POTEF: variants seen among roughly 807,000 people sequenced by gnomAD.
The protein encoded by POTEF is POTE ankyrin domain family member F, also known as ANKRD26-like family C member 1B.
POTEF carries 20 observed loss-of-function variants against 83.2 expected under a neutral mutation model. That is an observed-to-expected ratio of 0.24 (90% CI 0.17 to 0.35). The LOEUF is 0.35. Ranked by LOEUF, POTEF falls within the 10% of genes least tolerant of loss-of-function variation. POTEF has a pLI of 1.00. For synonymous variants in POTEF, 196 were observed against 446.4 expected (o/e 0.44, Z 7.07); for missense variants, 550 against 1,203.2 (o/e 0.46, Z 8.03).
chr2:130,114,660 A>C (rs1333052022), intron 5 of POTEF, among the ~76,000 whole-genome samples: 1 of 151,430 alleles, frequency 6.6e-6, no homozygotes, highest in Non-Finnish European at 1.5e-5. Context: ...TTTTCAAAAA[A>C]AGTATTTACC....
rs200591118 is a variant in POTEF, at chr2:130,105,273, CA to C, written c.1126+2735del. On this transcript the variant is annotated intron_variant, in intron 8 of 16. Transcript: ENST00000409914. The stretch of plus-strand genomic sequence containing the variant: ...TATTTCTTACATAAAAAAAATTAAG[CA>C]AAACAAATGAAAAAAGCATAACACC... 4.6e-5 allele frequency among the ~76,000 whole-genome samples: 7 copies of C among 151,090 alleles called. No homozygotes were observed. In the East Asian group the frequency reaches 1.4e-3, roughly 29 times the overall value.
intron 1 of POTEF, among the ~76,000 whole-genome samples, chr2:130,128,813 T>C (rs59844074): frequency 0.44 from 40,456 of 90,962 alleles, 5,336 homozygotes; most frequent in Admixed American, 0.5. Context: ...CAGAAAATAG[T>C]GCCCCTAACC....
At chr2:130,097,197 AT>A (rs1684262808) in intron 11 of POTEF, among the ~76,000 whole-genome samples, 1 of 104,968 alleles carries the variant, frequency 9.5e-6, no homozygotes, top group Non-Finnish European at 1.8e-5. Flanking sequence ...AAAATGCATA[AT>A]TTACAGAAAA....
chr2:130,120,262 T>C lies in POTEF; in HGVS notation c.254A>G (p.Asp85Gly). 6.3e-7 allele frequency: 1 copy of C among 1,593,760 alleles called. No homozygotes were observed. Among genetic ancestry groups the C allele is most frequent in the Non-Finnish European group, 8.5e-7 (1 of 1,174,462 alleles). ...TGTCTTCATAGCAGAGTCGTCGTGG[T>C]CTCCAGAAGCGCCCACGTTGCTCTT... The part of the protein sequence containing the change: ...SGKSNVGASG[D>G]HDDSAMKTLR... Residue 85 changes from aspartate to glycine, a missense_variant, in exon 3 of 17, where the codon GAC becomes GGC. Coordinates refer to ENST00000409914, the MANE Select transcript of POTEF (RefSeq NM_001099771.2).
rs1683751471 is a variant in POTEF at position 130,075,151 on chromosome 2, C to T, written c.2321G>A (p.Gly774Asp). The T allele has an allele frequency of 8.1e-6, 13 of 1,613,330 alleles. No homozygotes were observed. The highest frequency in any genetic ancestry group is 1.3e-5 in the African/African-American group (1 of 74,658). Residue 774 changes from glycine (G) to aspartate (D), a missense_variant, in exon 17 of 17, where the codon GGC becomes GAC. Physicochemically the swap from Gly to Asp is moderately conservative, Grantham distance 94. Transcript: ENST00000409914. ...CATGTCATCCCAGTTGGTGATGATG[C>T]CGTGTTCCATGGGGTACTTCAGGGT... ...ILTLKYPMEH[G>D]IITNWDDMEK...
Position 130,105,437 on chromosome 2 carries a change from T to C in POTEF, c.1126+2572A>G, listed in dbSNP as rs535746564. On this transcript the variant is annotated intron_variant, in intron 8 of 16. Coordinates refer to ENST00000409914, the MANE Select transcript of POTEF (RefSeq NM_001099771.2). ...TGACAAGGAAACTATAGCTGACTAC[T>C]GCGAAAACTTCCTTTGTCTCCTGGT... 2.6e-5 allele frequency among the ~76,000 whole-genome samples: 4 copies of C among 151,844 alleles called. No homozygotes were observed. In the South Asian group the frequency reaches 8.3e-4, roughly 32 times the overall value.
chr2:130,119,658 A>T (rs2104827146), intron 3 of POTEF, among the ~76,000 whole-genome samples: 1 of 151,862 alleles, frequency 6.6e-6, no homozygotes, highest in Admixed American at 6.6e-5. Flanking sequence ...CTTAGTTCTC[A>T]ATATACACTT....
intron 5 of POTEF, among the ~76,000 whole-genome samples, chr2:130,113,838 C>T (rs1380335995): frequency 4.0e-5 from 6 of 151,486 alleles, no homozygotes; most frequent in African/African-American, 1.2e-4. Flanking sequence ...TTCTCACCCA[C>T]ATGACCAATT....
rs1355799112 is a variant in POTEF at position 130,121,229 on chromosome 2, A to C, written c.-93-621T>G. Among the ~76,000 whole-genome samples the C allele has an allele frequency of 2.0e-5, 3 of 148,514 alleles. No individual in the cohort carries two copies. In the South Asian group the frequency reaches 6.4e-4, roughly 32 times the overall value. On this transcript the variant is annotated intron_variant, in intron 2 of 16. Transcript: ENST00000409914. The stretch of plus-strand genomic sequence containing the variant: ...GCCTGCTTAAGTCTTGGCGCCACGA[A>C]TGTCACTGACAGCCTTGAGTTCCGG...
Position 130,120,611 on chromosome 2 carries a change from G to A in POTEF, c.-93-3C>T. The A allele has an allele frequency of 6.3e-7, 1 of 1,588,812 alleles. No individual in the cohort carries two copies. The highest frequency in any genetic ancestry group is 8.6e-7 in the Non-Finnish European group (1 of 1,167,664). ...GCAGGTAACTCCGGGTTTCCAATCT[G>A]TTTGAAGAGAAAAGTCAATCCCAGC... On this transcript the variant is annotated splice_region_variant and splice_polypyrimidine_tract_variant and intron_variant, in intron 2 of 16. Transcript: ENST00000409914.
intron 7 of POTEF, among the ~76,000 whole-genome samples, chr2:130,108,781 T>A (rs1195334938): frequency 2.0e-5 from 3 of 148,914 alleles, no homozygotes; most frequent in Non-Finnish European, 4.4e-5. Context: ...TGTCCACTAT[T>A]ACGGAGTTGA....
chr2:130,076,230 G>C (rs1683800407), intron 16 of POTEF, among the ~76,000 whole-genome samples: 1 of 128,440 alleles, frequency 7.8e-6, no homozygotes, highest in Non-Finnish European at 1.6e-5. Flanking sequence ...ACTCATTTAA[G>C]ATCGCGATTC....
Position 130,120,337 on chromosome 2 carries a change from T to C in POTEF, c.179A>G (p.Lys60Arg), listed in dbSNP as rs533695625. 1 of 1,608,488 alleles carries C rather than the reference T, an allele frequency of 6.2e-7. No individual in the cohort carries two copies. The highest frequency in any genetic ancestry group is 1.7e-5 in the Admixed American group (1 of 59,616). ...DDSAMKTLRS[K>R]MGKWCRHCFP... ...GCAGTGGCGGCACCACTTGCCCATC[T>C]TGCTCCTGAGTGTCTTCATAGCAGA... Residue 60 changes from lysine (K) to arginine (R), a missense_variant, in exon 3 of 17, where the codon AAG becomes AGG. Lys to Arg is a conservative substitution (Grantham distance 26, BLOSUM62 2). Coordinates refer to ENST00000409914, the MANE Select transcript of POTEF (RefSeq NM_001099771.2).
chr2:130,116,214 C>T (rs1210339149), intron 3 of POTEF, among the ~76,000 whole-genome samples: 2 of 151,438 alleles, frequency 1.3e-5, no homozygotes, highest in South Asian at 4.1e-4. Context: ...ATAGCATGGG[C>T]TCATTTTTGT....
intron 7 of POTEF, among the ~76,000 whole-genome samples, chr2:130,110,096 A>G (rs1684668196): frequency 6.6e-6 from 1 of 151,472 alleles, no homozygotes; most frequent in Non-Finnish European, 1.5e-5. Flanking sequence ...GACTTGATAA[A>G]AGGGACTGTC....
intron 5 of POTEF, among the ~76,000 whole-genome samples, chr2:130,113,216 C>A (rs2104818678): frequency 1.0e-5 from 1 of 95,462 alleles, no homozygotes; most frequent in East Asian, 3.4e-4. Context: ...AACCTCATCT[C>A]TACTGAAAAA....
chr2:130,122,665 G>C (rs1685023795), intron 2 of POTEF, among the ~76,000 whole-genome samples: 1 of 150,864 alleles, frequency 6.6e-6, no homozygotes, highest in Non-Finnish European at 1.5e-5. Flanking sequence ...TTTTTCAATT[G>C]ATATAGGACT....
intron 8 of POTEF, among the ~76,000 whole-genome samples, chr2:130,104,732 T>C (rs1684469254): frequency 1.3e-5 from 2 of 151,420 alleles, no homozygotes; most frequent in South Asian, 4.2e-4. Context: ...ACAACTCCGA[T>C]ATTCATCTTT....
In POTEF at chr2:130,120,137, C is replaced by T. The variant is rs372841127; in HGVS notation, c.379G>A (p.Ala127Thr). 1.1e-5 allele frequency: 17 copies of T among 1,609,658 alleles called. No homozygotes were observed. The highest frequency in any genetic ancestry group is 1.4e-5 in the Non-Finnish European group (16 of 1,179,548). The stretch of plus-strand genomic sequence containing the variant: ...ACGTGGTACCTGGGCTCCATGAAGG[C>T]ACTGTCATCGTAGTCTCCCCAAGCG... ...VGAWGDYDDS[A>T]FMEPRYHVRG... Residue 127 changes from alanine (A) to threonine (T), a missense_variant, in exon 3 of 17, where the codon GCC (alanine) becomes ACC (threonine). By Grantham distance (58) the Ala-to-Thr change is moderately conservative (BLOSUM62 0). Coordinates refer to ENST00000409914, the MANE Select transcript of POTEF (RefSeq NM_001099771.2).
Sources: allele counts gnomAD v4.1 joint callset (sites outside exome capture counted in the v4.1 genomes callset), GRCh38; gene constraint gnomAD v4.1.1; transcripts MANE v1.5; gene names NCBI Gene and HGNC (gene_info 2026-07-23, HGNC 2026-07-21).